The following ERC2 variants were observed in gnomAD, a reference collection of about 807,000 sequenced individuals.
The protein encoded by ERC2 is ERC protein 2.
Under a neutral mutation model 114.8 loss-of-function variants are expected in ERC2, and 42 were observed. The ratio of observed to expected loss-of-function variants is 0.37; its 90% CI spans 0.29 to 0.47. The LOEUF (loss-of-function observed/expected upper bound fraction) is 0.47. Among genes scored for constraint, ERC2 ranks in the 20% least tolerant of loss-of-function variants. The pLI is 0.99. For synonymous variants in ERC2, 454 were observed against 425.5 expected (o/e 1.07, Z -0.82); for missense variants, 939 against 1,150.7 (o/e 0.82, Z 2.66).
At chr3:56,125,375 G>C (rs2079811747) in intron 6 of ERC2, among the ~76,000 whole-genome samples, 1 of 152,080 alleles carries the variant, frequency 6.6e-6, no homozygotes, top group Admixed American at 6.6e-5. Context: ...TAGAAATTAG[G>C]TTCCCCAGTG....
At chr3:56,101,937 G>A (rs143487461) in intron 6 of ERC2, among the ~76,000 whole-genome samples, 144 of 152,266 alleles carry the variant, frequency 9.5e-4, no homozygotes, top group African/African-American at 3.3e-3. Context: ...CTCTGCAACC[G>A]GTGTTGGTGT....
intron 3 of ERC2, among the ~76,000 whole-genome samples, chr3:56,283,854 GC>G (rs2054511220): frequency 6.6e-6 from 1 of 152,226 alleles, no homozygotes; most frequent in Non-Finnish European, 1.5e-5. Flanking sequence ...TAGAGTGGCA[GC>G]TAATCTCCTT....
intron 14 of ERC2, among the ~76,000 whole-genome samples, chr3:55,842,101 T>TA (rs933947280): frequency 2.0e-5 from 3 of 152,016 alleles, no homozygotes; most frequent in African/African-American, 7.2e-5. Flanking sequence ...GTCCTCACAT[T>TA]AAAAAAAATT....
chr3:55,805,865 A>G (rs1406081859), intron 14 of ERC2, among the ~76,000 whole-genome samples: 2 of 152,210 alleles, frequency 1.3e-5, no homozygotes, highest in African/African-American at 4.8e-5. Flanking sequence ...AAACTGACCA[A>G]GGGCCTACTC....
intron 2 of ERC2, among the ~76,000 whole-genome samples, chr3:56,297,753 G>T (rs1159622523): frequency 6.6e-6 from 1 of 152,208 alleles, no homozygotes; most frequent in Non-Finnish European, 1.5e-5. Context: ...TCACAGTATT[G>T]TAAGGCATGG....
chr3:55,955,248 TTGTGTGTGTGTGTG>T (rs60633794), intron 12 of ERC2: 42,379 of 349,062 alleles, frequency 0.12, 286 homozygotes, highest in Non-Finnish European at 0.14. Flanking sequence ...GGTGGTGTGT[TTGTGTGTGTGTGTG>T]TGTGTGTGTG....
At chr3:56,463,279 G>T (rs1334667204) in intron 1 of ERC2, among the ~76,000 whole-genome samples, 1 of 152,146 alleles carries the variant, frequency 6.6e-6, no homozygotes, top group Non-Finnish European at 1.5e-5. Context: ...CATTGTTGTA[G>T]TTGGCTGCTG....
intron 10 of ERC2, among the ~76,000 whole-genome samples, chr3:55,998,745 A>G (rs2149541090): frequency 6.6e-6 from 1 of 152,332 alleles, no homozygotes; most frequent in South Asian, 2.1e-4. Context: ...ACAAAGCAGG[A>G]CATTAACAAG....
intron 3 of ERC2, among the ~76,000 whole-genome samples, chr3:56,253,316 T>C (rs1042373837): frequency 2.0e-5 from 3 of 152,252 alleles, no homozygotes; most frequent in Non-Finnish European, 4.4e-5. Flanking sequence ...CAGATTCCTA[T>C]TTAGAAAATT....
At chr3:56,428,791 T>G (rs1395299120) in intron 2 of ERC2, among the ~76,000 whole-genome samples, 2 of 152,222 alleles carry the variant, frequency 1.3e-5, no homozygotes, top group African/African-American at 4.8e-5. Context: ...CACATAACCA[T>G]TGTTTAAAAG....
intron 17 of ERC2, among the ~76,000 whole-genome samples, chr3:55,609,207 C>G (rs576323755): frequency 1.3e-5 from 2 of 152,148 alleles, no homozygotes; most frequent in South Asian, 2.1e-4. Flanking sequence ...CCTCTCTTAC[C>G]CCAATTTCCC....
chr3:55,632,311 T>C (rs973093380), intron 17 of ERC2, among the ~76,000 whole-genome samples: 12 of 152,200 alleles, frequency 7.9e-5, no homozygotes, highest in African/African-American at 2.9e-4. Flanking sequence ...CTTGGTCCAG[T>C]TGTACCTGAG....
intron 1 of ERC2, among the ~76,000 whole-genome samples, chr3:56,458,941 C>T (rs769209623): frequency 1.3e-5 from 2 of 152,170 alleles, no homozygotes; most frequent in Non-Finnish European, 2.9e-5. Flanking sequence ...GCTGACAAAA[C>T]GGAGCATGGC....
intron 1 of ERC2, among the ~76,000 whole-genome samples, chr3:56,465,783 A>T (rs927250777): frequency 4.6e-5 from 7 of 152,246 alleles, no homozygotes; most frequent in African/African-American, 9.6e-5. Flanking sequence ...AGAGTTACTA[A>T]ATTTGCCTAT....
intron 7 of ERC2, among the ~76,000 whole-genome samples, chr3:56,019,722 T>G (rs1363948094): frequency 6.6e-6 from 1 of 152,144 alleles, no homozygotes; most frequent in Non-Finnish European, 1.5e-5. Flanking sequence ...ACACGCCAAA[T>G]AGCCGATTAC....
intron 3 of ERC2, among the ~76,000 whole-genome samples, chr3:56,231,917 G>T (rs1488536312): frequency 6.7e-6 from 1 of 150,290 alleles, no homozygotes; most frequent in South Asian, 2.1e-4. Flanking sequence ...AATGAGGTAA[G>T]CAATAACAAA....
intron 17 of ERC2, among the ~76,000 whole-genome samples, chr3:55,666,958 G>A (rs556372625): frequency 4.1e-4 from 63 of 152,152 alleles, no homozygotes; most frequent in African/African-American, 1.4e-3. Flanking sequence ...ATTATGTAAC[G>A]AATAATAGCA....
intron 5 of ERC2, among the ~76,000 whole-genome samples, chr3:56,148,167 A>G (rs1469520799): frequency 6.6e-6 from 1 of 152,252 alleles, no homozygotes; most frequent in African/African-American, 2.4e-5. Flanking sequence ...TATTTTTCTT[A>G]TCCCTATTTC....
At chr3:55,763,564 G>A (rs79949976) in intron 14 of ERC2, among the ~76,000 whole-genome samples, 153 of 152,316 alleles carry the variant, frequency 1.0e-3, no homozygotes, top group African/African-American at 3.6e-3. Flanking sequence ...AAGGGGGATA[G>A]TTACTGATTT....
Sources: gnomAD v4.1 joint callset for allele counts (sites outside exome capture counted in the v4.1 genomes callset) on GRCh38, gnomAD v4.1.1 for gene constraint, MANE v1.5 for transcripts, NCBI Gene and HGNC (gene_info 2026-07-23, HGNC 2026-07-21) for gene names.